GRID2: variants seen among roughly 807,000 people sequenced by gnomAD.
GRID2 encodes the protein glutamate receptor ionotropic, delta-2.
A neutral mutation model predicts 114.8 loss-of-function variants in GRID2; 33 were observed. That is an observed-to-expected ratio of 0.29 (90% CI 0.22 to 0.38). The LOEUF is 0.38. Ranked by LOEUF, GRID2 falls within the 10% of genes least tolerant of loss-of-function variation. The pLI is 1.00. For missense variants in GRID2, 1,184 were observed against 1,257.7 expected (o/e 0.94, Z 0.89); for synonymous variants, 505 against 449.9 (o/e 1.12, Z -1.55).
chr4:92,942,426 A>C (rs1251382966), intron 2 of GRID2, among the ~76,000 whole-genome samples: 1 of 152,126 alleles, frequency 6.6e-6, no homozygotes, highest in East Asian at 1.9e-4. Flanking sequence ...TGCTTGGCAG[A>C]TCTTCCTCCA....
At chr4:92,342,742 A>G (rs1282618458) in intron 1 of GRID2, among the ~76,000 whole-genome samples, 1 of 152,228 alleles carries the variant, frequency 6.6e-6, no homozygotes, top group Non-Finnish European at 1.5e-5. Context: ...GAAGAAAAGC[A>G]TACAGATTTT....
chr4:92,415,398 T>C (rs1407660553), intron 1 of GRID2, among the ~76,000 whole-genome samples: 1 of 151,878 alleles, frequency 6.6e-6, no homozygotes, highest in African/African-American at 2.4e-5. Flanking sequence ...TGGTGGTTTC[T>C]GAGATTTTGG....
At chr4:92,846,632 T>C (rs977958602) in intron 2 of GRID2, among the ~76,000 whole-genome samples, 1 of 152,136 alleles carries the variant, frequency 6.6e-6, no homozygotes, top group African/African-American at 2.4e-5. Context: ...TCTACCTTTG[T>C]TTTGTCTAAT....
At chr4:93,189,358 A>G (rs1212787005) in intron 4 of GRID2, among the ~76,000 whole-genome samples, 2 of 152,094 alleles carry the variant, frequency 1.3e-5, no homozygotes, top group Non-Finnish European at 2.9e-5. Context: ...GCATCCTCAC[A>G]TGGTAGAAGG....
At chr4:93,724,806 G>T (rs1037217118) in intron 14 of GRID2, among the ~76,000 whole-genome samples, 2 of 152,016 alleles carry the variant, frequency 1.3e-5, no homozygotes, top group Non-Finnish European at 2.9e-5. Context: ...TTGAGACAAA[G>T]TCTCACTCTG....
intron 2 of GRID2, among the ~76,000 whole-genome samples, chr4:93,006,454 G>A (rs1721537180): frequency 6.6e-6 from 1 of 152,012 alleles, no homozygotes; most frequent in Non-Finnish European, 1.5e-5. Flanking sequence ...GAAGGTGTTT[G>A]AAATTATGTG....
intron 8 of GRID2, among the ~76,000 whole-genome samples, chr4:93,294,286 GTGATCCA>G (rs1754057401): frequency 6.6e-6 from 1 of 151,804 alleles, no homozygotes; most frequent in Admixed American, 6.5e-5. Context: ...AGCAGTGGAG[GTGATCCA>G]TATCAGGCTA....
At chr4:93,128,421 T>C (rs937090336) in intron 4 of GRID2, among the ~76,000 whole-genome samples, 2 of 152,160 alleles carry the variant, frequency 1.3e-5, no homozygotes, top group Admixed American at 6.6e-5. Flanking sequence ...AATTTTGAAA[T>C]ATGGAAATTA....
At chr4:92,651,175 T>C (rs1205433624) in intron 2 of GRID2, among the ~76,000 whole-genome samples, 1 of 152,054 alleles carries the variant, frequency 6.6e-6, no homozygotes, top group East Asian at 1.9e-4. Context: ...GTATCCAGAA[T>C]AAATGTCTAT....
At chr4:92,873,370 G>A (rs1031147747) in intron 2 of GRID2, among the ~76,000 whole-genome samples, 1 of 151,874 alleles carries the variant, frequency 6.6e-6, no homozygotes, top group Non-Finnish European at 1.5e-5. Flanking sequence ...GAAATGCCAG[G>A]ATCCAGTCCC....
At chr4:93,082,380 G>A (rs560906806) in intron 2 of GRID2, among the ~76,000 whole-genome samples, 1 of 152,142 alleles carries the variant, frequency 6.6e-6, no homozygotes, top group African/African-American at 2.4e-5. Context: ...AGAGAGCTGG[G>A]TCATCTATTT....
intron 13 of GRID2, among the ~76,000 whole-genome samples, chr4:93,524,890 C>G (rs577778696): frequency 7.0e-6 from 1 of 142,686 alleles, no homozygotes; most frequent in African/African-American, 2.6e-5. Context: ...GCTGATGCAA[C>G]AGTGAAGTAC....
At chr4:93,235,457 C>G (rs766179276) in intron 7 of GRID2, among the ~76,000 whole-genome samples, 2 of 151,950 alleles carry the variant, frequency 1.3e-5, no homozygotes, top group African/African-American at 2.4e-5. Context: ...CACATTTTCA[C>G]CAAGGCTCTG....
At chr4:93,662,467 A>G (rs1468300018) in intron 14 of GRID2, among the ~76,000 whole-genome samples, 1 of 152,186 alleles carries the variant, frequency 6.6e-6, no homozygotes, top group Non-Finnish European at 1.5e-5. Flanking sequence ...ATTTTCAGTG[A>G]CTTTTTTTTG....
chr4:92,697,959 TTTG>T (rs1191738067), intron 2 of GRID2, among the ~76,000 whole-genome samples: 4 of 152,270 alleles, frequency 2.6e-5, no homozygotes, highest in East Asian at 3.9e-4. Context: ...TGAGTCTTTT[TTTG>T]TTGTTTGCCA....
At chr4:93,050,922 G>T (rs1726649888) in intron 2 of GRID2, among the ~76,000 whole-genome samples, 1 of 152,020 alleles carries the variant, frequency 6.6e-6, no homozygotes, top group African/African-American at 2.4e-5. Context: ...TCCTGGGAAA[G>T]AATTATCTCC....
At chr4:92,665,687 CA>C (rs1465193274) in intron 2 of GRID2, among the ~76,000 whole-genome samples, 6 of 150,214 alleles carry the variant, frequency 4.0e-5, no homozygotes, top group African/African-American at 1.5e-4. Flanking sequence ...ATAATTTTAC[CA>C]CATATAGGAT....
At chr4:92,667,815 G>A (rs1005843921) in intron 2 of GRID2, among the ~76,000 whole-genome samples, 1 of 151,650 alleles carries the variant, frequency 6.6e-6, no homozygotes, top group Non-Finnish European at 1.5e-5. Context: ...TTGATCAATT[G>A]ATGTTCAAAT....
chr4:92,610,781 C>G (rs1159304910), intron 2 of GRID2, among the ~76,000 whole-genome samples: 1 of 151,666 alleles, frequency 6.6e-6, no homozygotes, highest in Admixed American at 6.6e-5. Flanking sequence ...AGATTAGCCT[C>G]TTCTGGGCAT....
Sources: allele counts gnomAD v4.1 joint callset (sites outside exome capture counted in the v4.1 genomes callset), GRCh38; gene constraint gnomAD v4.1.1; transcripts MANE v1.5; gene names NCBI Gene and HGNC (gene_info 2026-07-23, HGNC 2026-07-21).